Variants in PECAM1 observed in about 807,000 individuals in gnomAD.
The protein encoded by PECAM1 is platelet and endothelial cell adhesion molecule 1.
PECAM1 carries 8 observed loss-of-function variants against 13.8 expected under a neutral mutation model. The observed-to-expected ratio is 0.58, with a 90% CI of 0.34 to 1.05. PECAM1 has a LOEUF of 1.05. PECAM1 is among the 50% of genes least tolerant of loss of function. The pLI, the probability that PECAM1 is intolerant of heterozygous loss-of-function variation, is 0.03. For synonymous variants in PECAM1, 136 were observed against 52.6 expected (o/e 2.58, Z -6.86); for missense variants, 304 against 141.2 (o/e 2.15, Z -5.84).
chr17:64,337,708 C>T (rs1016726697), intron 14 of PECAM1, among the ~76,000 whole-genome samples: 72 of 152,092 alleles, frequency 4.7e-4, no homozygotes, highest in African/African-American at 7.2e-4. Context: ...TCCAACAGCC[C>T]GGACTGAGTA....
intron 2 of PECAM1, among the ~76,000 whole-genome samples, chr17:64,386,463 T>C (rs2036596509): frequency 6.6e-6 from 1 of 151,850 alleles, no homozygotes; most frequent in Non-Finnish European, 1.5e-5. Flanking sequence ...TGGTGATGGT[T>C]GCACAACACC....
At chr17:64,365,321 G>C (rs1162018375) in intron 5 of PECAM1, among the ~76,000 whole-genome samples, 2 of 152,188 alleles carry the variant, frequency 1.3e-5, no homozygotes, top group Non-Finnish European at 2.9e-5. Flanking sequence ...TGAAATAAAA[G>C]AGGATACAAA....
chr17:64,370,232 C>G, intron 4 of PECAM1: 1 of 372,438 alleles, frequency 2.7e-6, no homozygotes, highest in Non-Finnish European at 4.8e-6. Flanking sequence ...CAGGCTTCTT[C>G]ACTGCAATTC....
chr17:64,323,318 C>G lies in PECAM1; in HGVS notation c.*498G>C. ...AGGGGACAGGGGGAGGCTGTCTGGT[C>G]AGCACTGTGTATTTCCAAAGAACAA... On this transcript the variant is annotated 3_prime_UTR_variant, in exon 16 of 16. Transcript: ENST00000563924. 9.6e-7 allele frequency: 1 copy of G among 1,037,864 alleles called. No homozygotes were observed. The highest frequency in any genetic ancestry group is 1.2e-6 in the Non-Finnish European group (1 of 861,746). The allele number at this position is 1,037,864 out of a possible 1,614,324, so 64.3% of individuals were successfully genotyped here.
chr17:64,346,030 T>C (rs1195590193), intron 13 of PECAM1, among the ~76,000 whole-genome samples: 1 of 152,150 alleles, frequency 6.6e-6, no homozygotes, highest in Non-Finnish European at 1.5e-5. Flanking sequence ...CAGGACCCCA[T>C]TGCCATGTGG....
intron 13 of PECAM1, among the ~76,000 whole-genome samples, chr17:64,344,595 T>C (rs2143746142): frequency 1.3e-5 from 2 of 151,810 alleles, no homozygotes; most frequent in South Asian, 2.1e-4. Flanking sequence ...CCCTCCTCCA[T>C]AGGAGGAGGA....
chr17:64,330,764 C>A (rs1555646554), intron 14 of PECAM1, among the ~76,000 whole-genome samples: 1 of 149,308 alleles, frequency 6.7e-6, no homozygotes, highest in African/African-American at 2.5e-5. Context: ...TTTTTTTTTC[C>A]TAGTCATTTT....
In PECAM1 at chr17:64,355,144, C is replaced by T. The variant is rs2035818305; in HGVS notation, c.1781-104G>A. Reference sequence around the variant, plus strand: ...GCAACAAAAGTCAGTCTGATTCTCACAGCTCTTGTAACTGGCAGCTTGCCT... The same window carrying T: ...GCAACAAAAGTCAGTCTGATTCTCATAGCTCTTGTAACTGGCAGCTTGCCT... On this transcript the variant is annotated intron_variant, in intron 8 of 15. Transcript: ENST00000563924. 4 of 409,882 alleles carry T rather than the reference C, an allele frequency of 9.8e-6. No homozygotes were observed. The South Asian group carries it at 5.2e-4, about 53-fold the overall frequency. The allele number at this position is 409,882 out of a possible 1,614,324, so 25.4% of individuals were successfully genotyped here. A position where few individuals can be genotyped will look rare whatever the true frequency, so the allele number is the denominator to read the frequency against.
Position 64,323,858 on chromosome 17 carries a change from G to C in PECAM1, c.2188-13C>G, listed in dbSNP as rs1555645063. 5.0e-6 allele frequency: 4 copies of C among 802,304 alleles called. No homozygotes were observed. In the African/African-American group the frequency reaches 6.7e-5, roughly 13 times the overall value. 49.7% of individuals were successfully genotyped at this position (802,304 alleles called of 1,614,324 possible). On this transcript the variant is annotated splice_polypyrimidine_tract_variant and intron_variant, in intron 15 of 15. Coordinates refer to ENST00000563924, the MANE Select transcript of PECAM1 (RefSeq NM_000442.5). Reference sequence around the variant, plus strand: ...AGCCTTCCGTTCTCTGTAGCGACAAGAAACAAGGCAAGTTATGATCACACC... The same window carrying C: ...AGCCTTCCGTTCTCTGTAGCGACAACAAACAAGGCAAGTTATGATCACACC...
intron 6 of PECAM1, among the ~76,000 whole-genome samples, chr17:64,362,551 C>T (rs2036007730): frequency 6.6e-6 from 1 of 152,084 alleles, no homozygotes; most frequent in Non-Finnish European, 1.5e-5. Context: ...ACTTGGGAGG[C>T]TGAGGCAGGA....
intron 7 of PECAM1, among the ~76,000 whole-genome samples, chr17:64,357,340 A>T (rs1445976869): frequency 6.6e-6 from 1 of 151,192 alleles, no homozygotes; most frequent in African/African-American, 2.4e-5. Flanking sequence ...ACTTTCCTGA[A>T]CTCCAAGTCT....
intron 10 of PECAM1, among the ~76,000 whole-genome samples, chr17:64,352,799 C>T (rs995398115): frequency 3.3e-5 from 5 of 151,962 alleles, no homozygotes; most frequent in Non-Finnish European, 1.5e-5. Flanking sequence ...GGATTACAGG[C>T]ATGCACCACC....
At chr17:64,329,788 A>C in intron 14 of PECAM1, 66 bp from the exon 15 acceptor site, 1 of 738,550 alleles carries the variant, frequency 1.4e-6, no homozygotes, top group South Asian at 1.4e-5. Flanking sequence ...CCCCAACAAC[A>C]TCACAGGGTC....
chr17:64,357,056 G>A (rs1437947755), intron 7 of PECAM1, among the ~76,000 whole-genome samples: 9 of 151,944 alleles, frequency 5.9e-5, no homozygotes, highest in African/African-American at 2.2e-4. Flanking sequence ...CCCAATCTTG[G>A]GCTCTCCATA....
In PECAM1 at chr17:64,353,943, T is replaced by C. The variant is rs1185188178; in HGVS notation, c.1889-425A>G. Among the ~76,000 whole-genome samples the C allele has an allele frequency of 2.3e-4, 33 of 146,344 alleles. No homozygotes were observed. The South Asian group carries it at 2.8e-3, about 12-fold the overall frequency. ...GCAGCTCTCTTCCTCTCTCTCTCTTTTTTTTTTTTTTTTTGAGACAGAGTC... is the reference window on the plus strand; with the variant it reads ...GCAGCTCTCTTCCTCTCTCTCTCTTCTTTTTTTTTTTTTTGAGACAGAGTC... On this transcript the variant is annotated intron_variant, in intron 9 of 15. Coordinates refer to ENST00000563924, the MANE Select transcript of PECAM1 (RefSeq NM_000442.5).
intron 5 of PECAM1, among the ~76,000 whole-genome samples, chr17:64,365,527 C>A (rs1435968173): frequency 2.6e-5 from 4 of 151,852 alleles, no homozygotes; most frequent in Non-Finnish European, 4.4e-5. Flanking sequence ...CAATCCTAAG[C>A]CAAAAGAACA....
rs1010764780 is a variant in PECAM1, at chr17:64,371,107, C to G, written c.692-1082G>C. 2.1e-3 allele frequency among the ~76,000 whole-genome samples: 315 copies of G among 152,204 alleles called. 2 individuals are homozygous for G. The highest frequency in any genetic ancestry group is 7.3e-3 in the African/African-American group (305 of 41,522). On this transcript the variant is annotated intron_variant, in intron 4 of 15. Transcript: ENST00000563924. ...CTTTCACCCAAATCACCTCCAGATGCACCAGATATTTAAATGCAGAGGGAA... is the reference window on the plus strand; with the variant it reads ...CTTTCACCCAAATCACCTCCAGATGGACCAGATATTTAAATGCAGAGGGAA...
intron 4 of PECAM1, among the ~76,000 whole-genome samples, chr17:64,371,410 G>A (rs946212394): frequency 1.7e-3 from 253 of 152,262 alleles, no homozygotes; most frequent in Admixed American, 2.5e-3. Flanking sequence ...GGTGGCTCAC[G>A]CCTGCAACTC....
chr17:64,341,921 G>A (rs2143734125), intron 13 of PECAM1, among the ~76,000 whole-genome samples: 1 of 152,058 alleles, frequency 6.6e-6, no homozygotes, highest in East Asian at 1.9e-4. Context: ...AGGGTGAGGG[G>A]GGCAGATCAC....
Sources: allele counts gnomAD v4.1 joint callset (sites outside exome capture counted in the v4.1 genomes callset), GRCh38; gene constraint gnomAD v4.1.1; transcripts MANE v1.5; gene names NCBI Gene and HGNC (gene_info 2026-07-23, HGNC 2026-07-21).